DIAPH3: variants seen among roughly 807,000 people sequenced by gnomAD.
DIAPH3 encodes the protein diaphanous related formin 3, also known as protein diaphanous homolog 3.
A neutral mutation model predicts 144.3 loss-of-function variants in DIAPH3; 117 were observed. That is an observed-to-expected ratio of 0.81 (90% CI 0.70 to 0.95). DIAPH3 has a LOEUF of 0.95. Ranked by LOEUF, DIAPH3 falls within the 40% of genes least tolerant of loss-of-function variation. DIAPH3 has a pLI of 0.00. For synonymous variants in DIAPH3, 519 were observed against 488.9 expected (o/e 1.06, Z -0.81); for missense variants, 1,421 against 1,412.7 (o/e 1.01, Z -0.09).
chr13:59,883,091 T>C (rs914546149), intron 20 of DIAPH3, among the ~76,000 whole-genome samples: 1 of 152,126 alleles, frequency 6.6e-6, no homozygotes, highest in Admixed American at 6.6e-5. Context: ...GAAAAATCAA[T>C]GAACTAACAA....
chr13:60,014,695 A>G (rs1240898801), intron 7 of DIAPH3, among the ~76,000 whole-genome samples: 1 of 152,200 alleles, frequency 6.6e-6, no homozygotes, highest in Admixed American at 6.5e-5. Flanking sequence ...ATTAAAATTA[A>G]TCAGAAATAT....
chr13:59,874,981 T>A (rs192007581), intron 21 of DIAPH3, among the ~76,000 whole-genome samples: 1 of 152,280 alleles, frequency 6.6e-6, no homozygotes, highest in East Asian at 1.9e-4. Flanking sequence ...CAAGTCAAAA[T>A]TATCTCATAT....
At chr13:60,155,637 C>T (rs1361253193) in intron 1 of DIAPH3, among the ~76,000 whole-genome samples, 1 of 152,120 alleles carries the variant, frequency 6.6e-6, no homozygotes, top group East Asian at 1.9e-4. Flanking sequence ...ATTTAGGTGC[C>T]TAAAGCTTTC....
chr13:59,961,005 T>C (rs1311687021), intron 17 of DIAPH3, among the ~76,000 whole-genome samples: 2 of 152,190 alleles, frequency 1.3e-5, no homozygotes, highest in African/African-American at 4.8e-5. Context: ...GAATAATCTA[T>C]TATTATTTTC....
intron 3 of DIAPH3, among the ~76,000 whole-genome samples, chr13:60,107,439 T>C (rs1350766327): frequency 6.6e-6 from 1 of 152,124 alleles, no homozygotes; most frequent in African/African-American, 2.4e-5. Context: ...TTTGTATGCC[T>C]GAAATACTGT....
intron 20 of DIAPH3, among the ~76,000 whole-genome samples, chr13:59,885,615 T>C (rs2045392375): frequency 6.6e-6 from 1 of 152,048 alleles, no homozygotes; most frequent in Admixed American, 6.6e-5. Context: ...TGGAGCTATG[T>C]AGTGAGTTGA....
chr13:59,855,352 G>C (rs1443210966), intron 22 of DIAPH3, among the ~76,000 whole-genome samples: 1 of 151,978 alleles, frequency 6.6e-6, no homozygotes, highest in African/African-American at 2.4e-5. Flanking sequence ...TGTGAAAAAA[G>C]TATTAATTTA....
chr13:59,891,587 G>A (rs556892087), intron 20 of DIAPH3, among the ~76,000 whole-genome samples: 1 of 151,852 alleles, frequency 6.6e-6, no homozygotes, highest in Admixed American at 6.6e-5. Context: ...TTTGAAAAAC[G>A]TACTTTGAAT....
rs1421278832 is a variant in DIAPH3, at chr13:59,791,338, GAC to G, written c.3164-16517_3164-16516del. ...AATAAAAAATTTAAATATGAATTAA[GAC>G]ACACTAGGAACTATCACTTTGATTG... On this transcript the variant is annotated intron_variant, in intron 25 of 27. Transcript: ENST00000400324. Among the ~76,000 whole-genome samples the G allele has an allele frequency of 3.9e-5, 6 of 152,254 alleles. No homozygotes were observed. The East Asian group carries it at 9.7e-4, about 25-fold the overall frequency.
At position 59,992,174 on chromosome 13, in the gene DIAPH3, T is replaced by G; in HGVS notation, c.1138A>C (p.Ile380Leu). The G allele has an allele frequency of 6.2e-7, 1 of 1,609,520 alleles. No homozygotes were observed. The highest frequency in any genetic ancestry group is 8.5e-7 in the Non-Finnish European group (1 of 1,176,738). Residue 380 changes from isoleucine (I) to leucine (L), a missense_variant, in exon 11 of 28, where the codon ATT becomes CTT. By Grantham distance (5) the Ile-to-Leu change is conservative (BLOSUM62 2). Transcript: ENST00000400324. ...TGGATATCCAGGCCATCATTCTTAATGCATTTTAAATTCTAGAGATATGAA... is the reference window on the plus strand; with the variant it reads ...TGGATATCCAGGCCATCATTCTTAAGGCATTTTAAATTCTAGAGATATGAA... ...LKEILPNLKC[I>L]KNDGLDIQLK...
chr13:59,919,399 T>C (rs1428168568), intron 18 of DIAPH3, among the ~76,000 whole-genome samples: 2 of 151,792 alleles, frequency 1.3e-5, no homozygotes, highest in African/African-American at 4.8e-5. Flanking sequence ...AAAGAGGGGA[T>C]CCAGAAAGCA....
At chr13:59,688,580 G>C (rs1035987575) in intron 27 of DIAPH3, among the ~76,000 whole-genome samples, 1 of 151,898 alleles carries the variant, frequency 6.6e-6, no homozygotes, top group African/African-American at 2.4e-5. Flanking sequence ...AGGGACAAAA[G>C]AGGAGCTTAT....
rs1421843727 is a variant in DIAPH3 at position 60,163,786 on chromosome 13, G to A, written c.-20C>T. ...TTCCATCTTTCCCCGCAGCTCCGGG[G>A]ACCGGAAAGAAGGTGGCCACTCAGC... On this transcript the variant is annotated 5_prime_UTR_variant, in exon 1 of 28. Coordinates refer to ENST00000400324, the MANE Select transcript of DIAPH3 (RefSeq NM_001042517.2). 5 of 1,553,242 alleles carry A rather than the reference G, an allele frequency of 3.2e-6. No homozygotes were observed. The highest frequency in any genetic ancestry group is 1.9e-4 in the Middle Eastern group (1 of 5,366).
chr13:59,841,850 A>C (rs2042366160), intron 22 of DIAPH3, among the ~76,000 whole-genome samples: 1 of 152,174 alleles, frequency 6.6e-6, no homozygotes, highest in African/African-American at 2.4e-5. Flanking sequence ...ATCATGAAGT[A>C]GGCATTATTA....
chr13:59,785,986 C>A (rs1337258565), intron 25 of DIAPH3, among the ~76,000 whole-genome samples: 1 of 152,114 alleles, frequency 6.6e-6, no homozygotes, highest in Admixed American at 6.5e-5. Context: ...GGAGTACAGA[C>A]CACAAGGTCA....
chr13:59,755,914 A>C (rs1342101273), intron 27 of DIAPH3, among the ~76,000 whole-genome samples: 1 of 152,218 alleles, frequency 6.6e-6, no homozygotes, highest in Non-Finnish European at 1.5e-5. Context: ...AATAATAGCT[A>C]TTATTATGAT....
chr13:59,861,966 T>TA (rs1243157980), intron 21 of DIAPH3, among the ~76,000 whole-genome samples: 3 of 152,310 alleles, frequency 2.0e-5, no homozygotes, highest in Middle Eastern at 3.4e-3. Context: ...GCTGTTTAGT[T>TA]AAAAAATATA....
At chr13:59,905,052 TG>T (rs1169362140) in intron 20 of DIAPH3, among the ~76,000 whole-genome samples, 5 of 151,856 alleles carry the variant, frequency 3.3e-5, no homozygotes, top group African/African-American at 1.2e-4. Flanking sequence ...TTCATAAAAG[TG>T]TAAGTTTGGC....
At chr13:60,014,398 T>C (rs945763650) in intron 7 of DIAPH3, among the ~76,000 whole-genome samples, 6 of 152,134 alleles carry the variant, frequency 3.9e-5, no homozygotes, top group African/African-American at 1.4e-4. Context: ...GAATTCAGCA[T>C]AGAAAGGAGT....
Sources: gnomAD v4.1 joint callset for allele counts (sites outside exome capture counted in the v4.1 genomes callset) on GRCh38, gnomAD v4.1.1 for gene constraint, MANE v1.5 for transcripts, NCBI Gene and HGNC (gene_info 2026-07-23, HGNC 2026-07-21) for gene names.